Variants in TRIP12 observed in about 807,000 individuals in gnomAD.
The protein encoded by TRIP12 is thyroid hormone receptor interactor 12, also known as E3 ubiquitin-protein ligase TRIP12.
In TRIP12, 25 loss-of-function variants were observed where a neutral mutation model predicts 244.2. That is an observed-to-expected ratio of 0.10 (90% CI 0.07 to 0.14). TRIP12 has a LOEUF of 0.14. Among genes scored for constraint, TRIP12 ranks in the 10% least tolerant of loss-of-function variants. TRIP12 has a pLI of 1.00. For synonymous variants in TRIP12, 905 were observed against 873.1 expected (o/e 1.04, Z -0.64); for missense variants, 1,677 against 2,486.4 (o/e 0.67, Z 6.92).
chr2:229,905,888 C>A (rs1451170444), intron 1 of TRIP12, among the ~76,000 whole-genome samples: 1 of 152,168 alleles, frequency 6.6e-6, no homozygotes, highest in Non-Finnish European at 1.5e-5. Context: ...GGCCTTAAGG[C>A]TAAGTATAAT....
upstream of TRIP12, chr2:229,922,346 G>A: frequency 3.2e-6 from 2 of 627,976 alleles, no homozygotes; most frequent in South Asian, 2.0e-5. Context: ...GAAATTTCAC[G>A]GATCAGGGTT....
intron 9 of TRIP12, among the ~76,000 whole-genome samples, chr2:229,816,462 G>A (rs1213463194): frequency 1.3e-5 from 2 of 152,074 alleles, no homozygotes; most frequent in East Asian, 3.8e-4. Flanking sequence ...TACTGTGTTT[G>A]GGAATGACTG....
intron 37 of TRIP12, among the ~76,000 whole-genome samples, 160 bp from the exon 38 acceptor site, chr2:229,774,421 G>C (rs1432122426): frequency 1.3e-5 from 2 of 152,146 alleles, no homozygotes; most frequent in Admixed American, 1.3e-4. Context: ...ATCTACATAT[G>C]AAAGAGTCAC....
intron 1 of TRIP12, among the ~76,000 whole-genome samples, chr2:229,910,130 G>A (rs572934154): frequency 1.2e-4 from 18 of 152,232 alleles, no homozygotes; most frequent in African/African-American, 4.3e-4. Context: ...CTAAGTCCTT[G>A]ATTTTACACT....
chr2:229,834,015 C>T (rs1375398301), intron 6 of TRIP12, among the ~76,000 whole-genome samples: 1 of 152,188 alleles, frequency 6.6e-6, no homozygotes, highest in East Asian at 1.9e-4. Flanking sequence ...GGCTTCAAAC[C>T]TCCTTAGGCA....
rs998506349 is a variant in TRIP12, at chr2:229,815,254, A to C, written c.1635+19T>G. The C allele has an allele frequency of 6.6e-7, 1 of 1,518,308 alleles. No homozygotes were observed. The highest frequency in any genetic ancestry group is 1.4e-5 in the African/African-American group (1 of 72,224). The allele number at this position is 1,518,308 out of a possible 1,614,324, so 94.1% of individuals were successfully genotyped here. ...AAAACTTAAATATACACCATTAAAA[A>C]AATACAATATATACTTACAATATCA... On this transcript the variant is annotated intron_variant, in intron 10 of 41. Transcript: ENST00000675903.
At chr2:229,922,701 C>A, upstream of TRIP12, 2 of 1,335,620 alleles carry the variant, frequency 1.5e-6, no homozygotes, top group East Asian at 2.5e-5. Context: ...CAAGAGCAAC[C>A]GTAGCCCGCC....
chr2:229,790,934 AG>A (rs2041368314), intron 30 of TRIP12, among the ~76,000 whole-genome samples, 189 bp downstream of exon 30: 1 of 152,224 alleles, frequency 6.6e-6, no homozygotes, highest in Non-Finnish European at 1.5e-5. Flanking sequence ...TTAATTTTGT[AG>A]GTACTTAATT....
chr2:229,802,752 T>C (rs1355169373), intron 20 of TRIP12, among the ~76,000 whole-genome samples: 3 of 152,166 alleles, frequency 2.0e-5, no homozygotes, highest in African/African-American at 7.2e-5. Flanking sequence ...GAGTTCAAAA[T>C]ACTCATTATA....
Position 229,796,573 on chromosome 2 carries a change from CATT to C in TRIP12, c.3816+15_3816+17del, listed in dbSNP as rs750813877. The C allele has an allele frequency of 2.2e-4, 350 of 1,556,730 alleles. No individual in the cohort carries two copies. The highest frequency in any genetic ancestry group is 2.8e-4 in the Non-Finnish European group (328 of 1,155,632). ...CACTGATTCTTAAAAGATACACAGG[CATT>C]ATTAGATAACTTACTGGAGAAGAAA... On this transcript the variant is annotated intron_variant, in intron 25 of 41. Coordinates refer to ENST00000675903, the MANE Select transcript of TRIP12 (RefSeq NM_001348323.3).
intron 6 of TRIP12, among the ~76,000 whole-genome samples, chr2:229,832,389 A>G (rs1159406142): frequency 6.6e-6 from 1 of 152,214 alleles, no homozygotes; most frequent in East Asian, 1.9e-4. Context: ...GCCTTTTACA[A>G]AAGTGTTGGT....
chr2:229,764,275 CT>C lies in TRIP12; in HGVS notation c.*3278del, dbSNP rs1444110502. 2.0e-5 allele frequency: 3 copies of C among 152,112 alleles called. No individual in the cohort carries two copies. Among genetic ancestry groups the C allele is most frequent in the Non-Finnish European group, 4.4e-5 (3 of 68,022 alleles). 9.4% of individuals were successfully genotyped at this position (152,112 alleles called of 1,614,324 possible). A position where few individuals can be genotyped will look rare whatever the true frequency, so the allele number is the denominator to read the frequency against. ...TATCCTTTACCGTGTATGTCAACTA[CT>C]GCAATGTCAAACCTAAGACTTATAC... On this transcript the variant is annotated 3_prime_UTR_variant, in exon 42 of 42. Transcript: ENST00000675903.
chr2:229,917,148 A>C (rs370998814), intron 1 of TRIP12, among the ~76,000 whole-genome samples: 2 of 152,138 alleles, frequency 1.3e-5, no homozygotes, highest in African/African-American at 4.8e-5. Flanking sequence ...TGGGAGTCCA[A>C]GGCGGGTGGA....
At chr2:229,826,780 G>GT (rs2051745309) in intron 8 of TRIP12, among the ~76,000 whole-genome samples, 1 of 152,064 alleles carries the variant, frequency 6.6e-6, no homozygotes, top group Non-Finnish European at 1.5e-5. Context: ...ACAAATAGAA[G>GT]AAGTAGAGTA....
In TRIP12 at chr2:229,906,006, T is replaced by TA. The variant is rs572131912; in HGVS notation, c.-50+15873dup. On this transcript the variant is annotated intron_variant, in intron 1 of 41. Transcript: ENST00000675903. ...ATATAGTAACTGTTGAAGAACCACA[T>TA]AAAGAAACATGTTCATGGCCAGGCG... is the stretch of plus-strand genomic sequence containing the variant. Among the ~76,000 whole-genome samples, 35 of 152,244 alleles carry TA rather than the reference T, an allele frequency of 2.3e-4. No homozygotes were observed. In the East Asian group the frequency reaches 5.8e-3, roughly 25 times the overall value.
upstream of TRIP12, chr2:229,922,707 C>T (rs1225853198): frequency 7.9e-7 from 1 of 1,270,860 alleles, no homozygotes; most frequent in Non-Finnish European, 1.1e-6. Context: ...CAACCGTAGC[C>T]CGCCGGAAGC....
chr2:229,815,823 A>C (rs775237950), intron 9 of TRIP12, among the ~76,000 whole-genome samples: 2 of 152,228 alleles, frequency 1.3e-5, no homozygotes, highest in Non-Finnish European at 2.9e-5. Context: ...GAATTTAAAC[A>C]TAAGATAGAT....
chr2:229,909,366 G>A (rs1247269842), intron 1 of TRIP12, among the ~76,000 whole-genome samples: 2 of 148,646 alleles, frequency 1.3e-5, no homozygotes, highest in African/African-American at 5.0e-5. Context: ...GGCAACATAG[G>A]GACACCCTGG....
At chr2:229,775,023 ACAAG>A (rs1211422580) in intron 37 of TRIP12, among the ~76,000 whole-genome samples, 1 of 152,220 alleles carries the variant, frequency 6.6e-6, no homozygotes, top group African/African-American at 2.4e-5. Flanking sequence ...ACTGAAGACA[ACAAG>A]TTAGGAGAAA....
Sources: allele counts gnomAD v4.1 joint callset (sites outside exome capture counted in the v4.1 genomes callset), GRCh38; gene constraint gnomAD v4.1.1; transcripts MANE v1.5; gene names NCBI Gene and HGNC (gene_info 2026-07-23, HGNC 2026-07-21).